The following LRMDA variants were observed in gnomAD, a reference collection of about 807,000 sequenced individuals.
LRMDA encodes leucine rich melanocyte differentiation associated.
Under a neutral mutation model 29.8 loss-of-function variants are expected in LRMDA, and 18 were observed. The observed-to-expected ratio is 0.60, with a 90% CI of 0.42 to 0.90. The LOEUF (loss-of-function observed/expected upper bound fraction) is 0.90. Ranked by LOEUF, LRMDA falls within the 40% of genes least tolerant of loss-of-function variation. The pLI, the probability that LRMDA is intolerant of heterozygous loss-of-function variation, is 0.00. For missense variants in LRMDA, 273 were observed against 273.9 expected, an observed-to-expected ratio of 1.00 and a Z score of 0.02; for synonymous variants, 125 against 109.4, an observed-to-expected ratio of 1.14 and a Z score of -0.89.
At chr10:76,302,684 T>C (rs1178603292) in intron 5 of LRMDA, among the ~76,000 whole-genome samples, 2 of 152,196 alleles carry the variant, frequency 1.3e-5, no homozygotes, top group Non-Finnish European at 2.9e-5. Context: ...CACTGTTGAC[T>C]TTGGTGATTG....
At chr10:75,658,253 T>A (rs1434098431) in intron 2 of LRMDA, among the ~76,000 whole-genome samples, 1 of 149,896 alleles carries the variant, frequency 6.7e-6, no homozygotes, top group African/African-American at 2.5e-5. Context: ...AATGAGATCC[T>A]TGTTGGAACT....
chr10:76,305,406 T>G (rs1254210491), intron 5 of LRMDA, among the ~76,000 whole-genome samples: 63 of 152,214 alleles, frequency 4.1e-4, no homozygotes, highest in Non-Finnish European at 8.8e-5. Context: ...TCTTTTTCTT[T>G]TCTCCCTCCC....
intron 5 of LRMDA, among the ~76,000 whole-genome samples, chr10:76,128,252 A>G (rs2132132721): frequency 6.6e-6 from 1 of 152,308 alleles, no homozygotes; most frequent in Non-Finnish European, 1.5e-5. Context: ...GTGGAGGAAA[A>G]TGAGGGTTTT....
At chr10:76,180,278 T>C (rs7903271) in intron 5 of LRMDA, among the ~76,000 whole-genome samples, 1 of 58,944 alleles carries the variant, frequency 1.7e-5, no homozygotes, top group Admixed American at 1.9e-4. Flanking sequence ...TGGAAAAAAC[T>C]TTTTTTTTTT....
chr10:75,684,585 C>T (rs1842061228), intron 2 of LRMDA, among the ~76,000 whole-genome samples: 1 of 152,208 alleles, frequency 6.6e-6, no homozygotes. Context: ...TCTGAGGAGG[C>T]AGTAGCTTAA....
intron 6 of LRMDA, among the ~76,000 whole-genome samples, chr10:76,338,073 GAA>G (rs71788669): frequency 7.5e-6 from 1 of 134,140 alleles, no homozygotes. Flanking sequence ...TCTCCTTATA[GAA>G]AAAAAAAAAA....
intron 6 of LRMDA, among the ~76,000 whole-genome samples, chr10:76,544,080 G>T (rs1371480679): frequency 6.6e-6 from 1 of 152,172 alleles, no homozygotes; most frequent in Non-Finnish European, 1.5e-5. Context: ...TATCCATAGA[G>T]TCTTGGCCCT....
At chr10:76,509,046 A>G (rs1842984659) in intron 6 of LRMDA, among the ~76,000 whole-genome samples, 1 of 152,152 alleles carries the variant, frequency 6.6e-6, no homozygotes, top group African/African-American at 2.4e-5. Flanking sequence ...AAATGAAAGG[A>G]CACATCGGAA....
chr10:75,685,796 G>A (rs1212779213), intron 2 of LRMDA, among the ~76,000 whole-genome samples: 1 of 152,198 alleles, frequency 6.6e-6, no homozygotes, highest in Non-Finnish European at 1.5e-5. Flanking sequence ...TTGCATGTGA[G>A]TATGGGATAT....
At chr10:75,619,173 TGAGGAG>T (rs1841148896) in intron 2 of LRMDA, among the ~76,000 whole-genome samples, 1 of 152,062 alleles carries the variant, frequency 6.6e-6, no homozygotes, top group Non-Finnish European at 1.5e-5. Flanking sequence ...TTGAGTAGGC[TGAGGAG>T]AAGGAGGAGG....
chr10:75,842,422 C>T (rs1844556938), intron 2 of LRMDA, among the ~76,000 whole-genome samples: 1 of 152,290 alleles, frequency 6.6e-6, no homozygotes, highest in Admixed American at 6.5e-5. Flanking sequence ...GAAATATTTA[C>T]TCTCTGGTCC....
intron 2 of LRMDA, among the ~76,000 whole-genome samples, chr10:75,766,916 A>G (rs1843176622): frequency 6.6e-6 from 1 of 151,952 alleles, no homozygotes; most frequent in African/African-American, 2.4e-5. Context: ...TTCCTGTGTT[A>G]GTTTGCTGAG....
intron 2 of LRMDA, among the ~76,000 whole-genome samples, chr10:75,701,376 G>A (rs933323118): frequency 6.6e-5 from 10 of 152,204 alleles, no homozygotes; most frequent in African/African-American, 2.2e-4. Flanking sequence ...GGAGATAGAT[G>A]TTCAGATAAA....
chr10:76,029,789 AGT>A (rs1483836387), intron 2 of LRMDA, among the ~76,000 whole-genome samples: 3 of 152,036 alleles, frequency 2.0e-5, no homozygotes. Context: ...CTCTCAGATG[AGT>A]GTTGAATTTT....
chr10:76,155,579 A>G (rs1362717792), intron 5 of LRMDA, among the ~76,000 whole-genome samples: 1 of 152,146 alleles, frequency 6.6e-6, no homozygotes, highest in Non-Finnish European at 1.5e-5. Context: ...GCAACTTCCT[A>G]TTTAACTTAC....
At chr10:75,463,527 G>A (rs555165122) in intron 2 of LRMDA, among the ~76,000 whole-genome samples, 14 of 151,114 alleles carry the variant, frequency 9.3e-5, no homozygotes, top group South Asian at 2.1e-4. Context: ...CACTTTTGTC[G>A]CTTAGGCTGG....
intron 2 of LRMDA, among the ~76,000 whole-genome samples, chr10:75,530,115 T>C (rs1845459854): frequency 6.6e-6 from 1 of 151,834 alleles, no homozygotes; most frequent in Admixed American, 6.6e-5. Flanking sequence ...TTATATATTC[T>C]TTAAAAAATA....
intron 2 of LRMDA, among the ~76,000 whole-genome samples, chr10:75,644,354 G>A (rs778076195): frequency 2.0e-5 from 3 of 152,220 alleles, no homozygotes; most frequent in Non-Finnish European, 4.4e-5. Context: ...TTAGTTTACA[G>A]GCACTGGCCC....
At chr10:75,761,805 T>G (rs904026773) in intron 2 of LRMDA, among the ~76,000 whole-genome samples, 8 of 148,766 alleles carry the variant, frequency 5.4e-5, no homozygotes, top group African/African-American at 1.5e-4. Context: ...TTTTTTTTTT[T>G]TTGTTTTTTT....
Sources: gnomAD v4.1 joint callset for allele counts (sites outside exome capture counted in the v4.1 genomes callset) on GRCh38, gnomAD v4.1.1 for gene constraint, MANE v1.5 for transcripts, NCBI Gene and HGNC (gene_info 2026-07-23, HGNC 2026-07-21) for gene names.